Variants in IDH1 observed in about 807,000 individuals in gnomAD.
The protein encoded by IDH1 is isocitrate dehydrogenase (NADP(+)) 1.
In IDH1, 33 loss-of-function variants were observed where a neutral mutation model predicts 46.1. The ratio of observed to expected loss-of-function variants is 0.72; its 90% confidence interval spans 0.54 to 0.96. The LOEUF is 0.96. Ranked by LOEUF, IDH1 falls within the 40% of genes least tolerant of loss-of-function variation. The pLI, the probability that IDH1 is intolerant of heterozygous loss-of-function variation, is 0.00. For missense variants in IDH1, 421 were observed against 515.7 expected (o/e 0.82, Z 1.78); for synonymous variants, 144 against 172.8 (o/e 0.83, Z 1.31).
intron 1 of IDH1, chr2:208,254,575 T>G (rs1688180916): frequency 6.6e-6 from 1 of 152,408 alleles, no homozygotes; most frequent in Non-Finnish European, 1.5e-5. Context: ...CACGTTTTCT[T>G]CCTCCTACAC....
intron 5 of IDH1, 84 bp from the exon 6 acceptor site, chr2:208,243,688 A>C: frequency 2.8e-6 from 3 of 1,073,252 alleles, no homozygotes; most frequent in Non-Finnish European, 4.3e-6. Flanking sequence ...CACCCACCAC[A>C]ACCAAATGAC....
rs2124863199 is a variant in IDH1, at chr2:208,248,493, C to T, written c.290G>A (p.Gly97Asp). The T allele has an allele frequency of 6.2e-7, 1 of 1,614,072 alleles. No individual in the cohort carries two copies. Among genetic ancestry groups the T allele is most frequent in the Non-Finnish European group, 8.5e-7 (1 of 1,179,996 alleles). ...KLKQMWKSPN[G>D]TIRNILGGTV... The stretch of plus-strand genomic sequence containing the variant: ...GCCACCCAGAATATTTCGTATGGTG[C>T]CATTTGGTGATTTCCACATTTGTTT... Residue 97 changes from glycine (G) to aspartate (D), a missense_variant, in exon 4 of 10, where the codon GGC (glycine) becomes GAC (aspartate). Gly to Asp is a moderately conservative substitution (Grantham distance 94, BLOSUM62 -1). Transcript: ENST00000345146.
Position 208,237,181 on chromosome 2 carries a change from GAA to G in IDH1, c.1155-14_1155-13del, listed in dbSNP as rs57383668. 2.8e-4 allele frequency: 362 copies of G among 1,287,124 alleles called. No homozygotes were observed. The highest frequency in any genetic ancestry group is 3.5e-4 in the Non-Finnish European group (315 of 894,322). The allele number at this position is 1,287,124 out of a possible 1,614,324, so 79.7% of individuals were successfully genotyped here. On this transcript the variant is annotated splice_polypyrimidine_tract_variant and intron_variant, in intron 9 of 9. Coordinates refer to ENST00000345146, the MANE Select transcript of IDH1 (RefSeq NM_005896.4). ...CAGAACGTTGCACACTAACGGGAAG[GAA>G]AAAAAAAAGAAAATTTAGTTGGTCT...
At position 208,241,916 on chromosome 2, in the gene IDH1, C is replaced by T. The variant is rs1381886143; in HGVS notation, c.850+78G>A. 11 of 1,452,528 alleles carry T rather than the reference C, an allele frequency of 7.6e-6. No individual in the cohort carries two copies. The African/African-American group carries it at 1.4e-4, about 18-fold the overall frequency. 90.0% of individuals were successfully genotyped at this position (1,452,528 alleles called of 1,614,324 possible). ...CATTCCAAGATTTTACAACAAAGGA[C>T]TACAAAACTCCCCTTCCCAAATTAG... is the stretch of plus-strand genomic sequence containing the variant. On this transcript the variant is annotated intron_variant, in intron 7 of 9. Coordinates refer to ENST00000345146, the MANE Select transcript of IDH1 (RefSeq NM_005896.4).
rs908547141 is a variant in IDH1 at position 208,245,319 on chromosome 2, C to T, written c.520G>A (p.Glu174Lys). 4 of 1,515,362 alleles carry T rather than the reference C, an allele frequency of 2.6e-6. No homozygotes were observed. Among genetic ancestry groups the T allele is most frequent in the Non-Finnish European group, 3.7e-6 (4 of 1,091,662 alleles). The allele number at this position is 1,515,362 out of a possible 1,614,324, so 93.9% of individuals were successfully genotyped here. ...KVTYLVHNFE[E>K]GGGVAMGMYN... is the part of the protein sequence containing the mutation. The stretch of plus-strand genomic sequence containing the variant: ...AAGCTTATGCTACAGTCATACATAC[C>T]TTCAAAGTTATGTACCAGGTATGTC... Residue 174 changes from glutamate to lysine, a missense_variant and splice_region_variant, in exon 5 of 10, where the codon GAA becomes AAA. By Grantham distance (56) the Glu-to-Lys change is moderately conservative (BLOSUM62 1). Coordinates refer to ENST00000345146, the MANE Select transcript of IDH1 (RefSeq NM_005896.4).
rs1160632942 is a variant in IDH1, at chr2:208,239,144, C to A, written c.1081G>T (p.Glu361Ter). ...GCCTCAATTGTCTCAATAGAGACTT[C>A]TTCCAAAGCATTTGCAAAGAAGGCA... ...ELAFFANALE[E>*]VSIETIEAGF... Residue 361 changes from glutamate (E) to a stop codon, truncating the protein, a stop_gained, in exon 9 of 10, where the codon GAA (glutamate) becomes TAA (stop). Coordinates refer to ENST00000345146, the MANE Select transcript of IDH1 (RefSeq NM_005896.4). LOFTEE classifies it high-confidence loss of function. 2.5e-6 allele frequency: 4 copies of A among 1,613,952 alleles called. No homozygotes were observed. The South Asian group carries it at 4.4e-5, about 18-fold the overall frequency.
chr2:208,242,874 C>T (rs1386972108), intron 6 of IDH1, among the ~76,000 whole-genome samples: 1 of 151,912 alleles, frequency 6.6e-6, no homozygotes, highest in African/African-American at 2.4e-5. Flanking sequence ...ACGCCATTCT[C>T]CTGCCTCAGC....
At chr2:208,240,732 A>G (rs894395656) in intron 7 of IDH1, among the ~76,000 whole-genome samples, 21 of 152,068 alleles carry the variant, frequency 1.4e-4, no homozygotes, top group Non-Finnish European at 1.9e-4. Flanking sequence ...TCTTTTCTCC[A>G]TTTTTGCTAC....
At position 208,237,065 on chromosome 2, in the gene IDH1, G is replaced by A. The variant is rs114939378; in HGVS notation, c.*14C>T. ...TACCAAAAGACAATTATCCTTCTTA[G>A]CTCAGGTATGAACTTAAAGTTTGGC... On this transcript the variant is annotated 3_prime_UTR_variant, in exon 10 of 10. Coordinates refer to ENST00000345146, the MANE Select transcript of IDH1 (RefSeq NM_005896.4). The A allele has an allele frequency of 4.5e-4, 640 of 1,438,096 alleles. No individual in the cohort carries two copies. Among genetic ancestry groups the A allele is most frequent in the Admixed American group, 8.1e-4 (48 of 58,920 alleles). 89.1% of individuals were successfully genotyped at this position (1,438,096 alleles called of 1,614,324 possible). A position where few individuals can be genotyped will look rare whatever the true frequency, so the allele number is the denominator to read the frequency against.
chr2:208,241,858 C>T, intron 7 of IDH1, 136 bp downstream of exon 7: 2 of 806,724 alleles, frequency 2.5e-6, no homozygotes, highest in South Asian at 1.5e-5. Context: ...ATTTCCTTAG[C>T]TGTCAGGTAA....
intron 1 of IDH1, among the ~76,000 whole-genome samples, chr2:208,254,619 C>A (rs772697354): frequency 6.6e-6 from 1 of 152,222 alleles, no homozygotes; most frequent in Non-Finnish European, 1.5e-5. Flanking sequence ...ATTCTTGCAA[C>A]TTCCACCCCT....
rs201258988 is a variant in IDH1 at position 208,251,493 on chromosome 2, C to T, written c.59G>A (p.Arg20Gln). The change falls in exon 3 of 10, where the codon CGA becomes CAA. Residue 20 changes from arginine to glutamine, a missense_variant. Physicochemically the swap from Arg to Gln is conservative, Grantham distance 43 (BLOSUM62 1). Coordinates refer to ENST00000345146, the MANE Select transcript of IDH1 (RefSeq NM_005896.4). ...VVEMQGDEMTRIIWELIKEKL... is the reference protein window; with the variant it reads ...VVEMQGDEMTQIIWELIKEKL... ...CTCTTTAATCAATTCCCAAATGATT[C>T]GTGTCATTTCATCTCCTTGCATCTC... 59 of 1,613,268 alleles carry T rather than the reference C, an allele frequency of 3.7e-5. No homozygotes were observed. The highest frequency in any genetic ancestry group is 3.3e-4 in the East Asian group (15 of 44,868).
intron 6 of IDH1, among the ~76,000 whole-genome samples, chr2:208,242,988 T>C (rs1687949127): frequency 6.6e-6 from 1 of 152,028 alleles, no homozygotes; most frequent in African/African-American, 2.4e-5. Flanking sequence ...ATGGTCTCGA[T>C]CTCCTGACCT....
chr2:208,254,753 C>G (rs1688184050), intron 1 of IDH1, among the ~76,000 whole-genome samples, 186 bp downstream of exon 1: 2 of 152,052 alleles, frequency 1.3e-5, no homozygotes, highest in South Asian at 2.1e-4. Flanking sequence ...ATCCAGCATC[C>G]CCTCCTTCCC....
In IDH1 at chr2:208,245,301, T is replaced by A. The variant is rs1329279241; in HGVS notation, c.520+18A>T. On this transcript the variant is annotated intron_variant, in intron 5 of 9. Coordinates refer to ENST00000345146, the MANE Select transcript of IDH1 (RefSeq NM_005896.4). Reference sequence around the variant, plus strand: ...TTTGTTTAAAAAAAAAAGAAGCTTATGCTACAGTCATACATACCTTCAAAG... The same window carrying A: ...TTTGTTTAAAAAAAAAAGAAGCTTAAGCTACAGTCATACATACCTTCAAAG... The A allele has an allele frequency of 8.0e-7, 1 of 1,242,356 alleles. No homozygotes were observed. Among genetic ancestry groups the A allele is most frequent in the Non-Finnish European group, 1.2e-6 (1 of 843,936 alleles). The allele number at this position is 1,242,356 out of a possible 1,614,324, so 77.0% of individuals were successfully genotyped here. A position where few individuals can be genotyped will look rare whatever the true frequency, so the allele number is the denominator to read the frequency against.
At chr2:208,245,095 A>T (rs1397814056) in intron 5 of IDH1, among the ~76,000 whole-genome samples, 1 of 152,234 alleles carries the variant, frequency 6.6e-6, no homozygotes, top group African/African-American at 2.4e-5. Flanking sequence ...TCTTTGCCTA[A>T]AGGCATTTCC....
chr2:208,239,322 T>A (rs1559358880), intron 8 of IDH1, 89 bp from the exon 9 acceptor site: 3 of 1,405,222 alleles, frequency 2.1e-6, no homozygotes, highest in Non-Finnish European at 3.0e-6. Flanking sequence ...ACAGAATAGT[T>A]TTTTGTTTAG....
intron 9 of IDH1, among the ~76,000 whole-genome samples, chr2:208,238,071 T>C (rs1177936791): frequency 1.3e-5 from 2 of 150,078 alleles, no homozygotes; most frequent in African/African-American, 4.9e-5. Flanking sequence ...AGTCTCGCTC[T>C]GTCACGCAGG....
At chr2:208,238,349 G>A (rs1687856843) in intron 9 of IDH1, among the ~76,000 whole-genome samples, 1 of 152,128 alleles carries the variant, frequency 6.6e-6, no homozygotes, top group Non-Finnish European at 1.5e-5. Flanking sequence ...CTGCAATCTT[G>A]TTGGAAATTT....
Sources: gnomAD v4.1 joint callset for allele counts (sites outside exome capture counted in the v4.1 genomes callset) on GRCh38, gnomAD v4.1.1 for gene constraint, MANE v1.5 for transcripts, NCBI Gene and HGNC (gene_info 2026-07-23, HGNC 2026-07-21) for gene names.